The following NAP1L4 variants were observed in gnomAD, a reference collection of about 807,000 sequenced individuals.
NAP1L4 encodes nucleosome assembly protein 1-like 4.
Under a neutral mutation model 58.2 loss-of-function variants are expected in NAP1L4, and 15 were observed. The ratio of observed to expected loss-of-function variants is 0.26; its 90% confidence interval spans 0.17 to 0.40. The LOEUF is 0.40. NAP1L4 is among the 10% of genes least tolerant of loss of function. NAP1L4 has a pLI of 1.00. For missense variants in NAP1L4, 384 were observed against 451.1 expected (o/e 0.85, Z 1.35); for synonymous variants, 171 against 155.6 (o/e 1.10, Z -0.74).
At position 2,948,904 on chromosome 11, in the gene NAP1L4, G is replaced by A. The variant is rs1846078233; in HGVS notation, c.*32+323C>T. Among the ~76,000 whole-genome samples, 1 of 152,186 alleles carries A rather than the reference G, an allele frequency of 6.6e-6. No homozygotes were observed. Among genetic ancestry groups the A allele is most frequent in the Non-Finnish European group, 1.5e-5 (1 of 68,034 alleles). On this transcript the variant is annotated intron_variant, in intron 15 of 15. Coordinates refer to ENST00000380542, the MANE Select transcript of NAP1L4 (RefSeq NM_005969.4). This position sits in a 1 kb window ranked among gnomAD's most constrained non-coding sequence, Gnocchi z 5.1. The stretch of plus-strand genomic sequence containing the variant: ...TCTCTGCAAGGACTGCTTGCTTATG[G>A]TGGCCCGTGTGTGCCACCGTGCAGA...
At chr11:2,965,994 G>T (rs1185873782) in intron 7 of NAP1L4, among the ~76,000 whole-genome samples, 2 of 152,186 alleles carry the variant, frequency 1.3e-5, no homozygotes, top group Non-Finnish European at 2.9e-5. Flanking sequence ...ATACCTGTCA[G>T]CTTAGAAAGT....
intron 4 of NAP1L4, among the ~76,000 whole-genome samples, chr11:2,973,054 G>T (rs961648191): frequency 6.6e-6 from 1 of 152,134 alleles, no homozygotes; most frequent in Non-Finnish European, 1.5e-5. Flanking sequence ...TGAAAAACTG[G>T]ACAATGCAAG....
At position 2,946,866 on chromosome 11, in the gene NAP1L4, A is replaced by T. The variant is rs1308385162; in HGVS notation, c.*33-1220T>A. 6.6e-6 allele frequency among the ~76,000 whole-genome samples: 1 copy of T among 152,192 alleles called. No homozygotes were observed. The highest frequency in any genetic ancestry group is 1.5e-5 in the Non-Finnish European group (1 of 68,032). On this transcript the variant is annotated intron_variant, in intron 15 of 15. Transcript: ENST00000380542. The surrounding 1 kb of genome is among the most constrained non-coding windows in gnomAD (Gnocchi z 4.8). ...AGGTGGCCCAGTGTAGTGGCCAAGA[A>T]CACTGAGCCACTGGCCTTAGGAGTG...
chr11:2,974,821 T>G (rs1389753286), intron 4 of NAP1L4, among the ~76,000 whole-genome samples: 1 of 152,114 alleles, frequency 6.6e-6, no homozygotes, highest in Non-Finnish European at 1.5e-5. Context: ...GTAACAAACC[T>G]GAACACTCAG....
chr11:2,987,894 T>C (rs1848739486), intron 1 of NAP1L4, among the ~76,000 whole-genome samples: 1 of 152,174 alleles, frequency 6.6e-6, no homozygotes, highest in African/African-American at 2.4e-5. Flanking sequence ...ATGAGACTGG[T>C]TGCCAAGAAA....
rs1353193649 is a variant in NAP1L4 at position 2,978,307 on chromosome 11, G to T, written c.50C>A (p.Ala17Asp). The T allele has an allele frequency of 6.2e-7, 1 of 1,613,898 alleles. No homozygotes were observed. Among genetic ancestry groups the T allele is most frequent in the African/African-American group, 1.3e-5 (1 of 74,910 alleles). Residue 17 changes from alanine to aspartate, a missense_variant, in exon 3 of 16, where the codon GCT becomes GAT. Physicochemically the swap from Ala to Asp is moderately radical, Grantham distance 126. Transcript: ENST00000380542. ...ACCTGTGTTACTTGCATTTTTAGCA[G>T]CTTCCACGGAATCTGAAGGAACCCC... ...SDGVPSDSVEAAKNASNTEKL... is the reference protein window; with the variant it reads ...SDGVPSDSVEDAKNASNTEKL...
rs149033962 is a variant in NAP1L4 at position 2,961,975 on chromosome 11, A to C, written c.607-2066T>G. Reference sequence around the variant, plus strand: ...TGCCCAAATGAAAAGTGGCTTGAAAATAAGACTGCTTCATTCACACACGCA... The same window carrying C: ...TGCCCAAATGAAAAGTGGCTTGAAACTAAGACTGCTTCATTCACACACGCA... On this transcript the variant is annotated intron_variant, in intron 8 of 15. Transcript: ENST00000380542. Among the ~76,000 whole-genome samples, 124 of 152,360 alleles carry C rather than the reference A, an allele frequency of 8.1e-4. 1 individual carries two copies. Among genetic ancestry groups the C allele is most frequent in the African/African-American group, 2.7e-3 (113 of 41,586 alleles).
Position 2,945,490 on chromosome 11 carries a change from G to GA in NAP1L4, c.*188dup. On this transcript the variant is annotated 3_prime_UTR_variant, in exon 16 of 16. Coordinates refer to ENST00000380542, the MANE Select transcript of NAP1L4 (RefSeq NM_005969.4). The stretch of plus-strand genomic sequence containing the variant: ...AAGTGAAAGTGAAAATCATGCACTT[G>GA]AAAACGAGTTAGATGGAGTAAGCTC... The GA allele has an allele frequency of 1.2e-6, 1 of 862,618 alleles. No individual in the cohort carries two copies. Among genetic ancestry groups the GA allele is most frequent in the East Asian group, 2.9e-5 (1 of 34,986 alleles). The allele number at this position is 862,618 out of a possible 1,614,324, so 53.4% of individuals were successfully genotyped here.
chr11:2,964,861 G>A, intron 7 of NAP1L4, 110 bp from the exon 8 acceptor site: 2 of 762,154 alleles, frequency 2.6e-6, no homozygotes, highest in African/African-American at 1.7e-5. Flanking sequence ...TAGCCCTATT[G>A]GAATTCTGTC....
chr11:2,978,310 T>G lies in NAP1L4; in HGVS notation c.47A>C (p.Glu16Ala), dbSNP rs768856141. 1.2e-6 allele frequency: 2 copies of G among 1,614,064 alleles called. No homozygotes were observed. The highest frequency in any genetic ancestry group is 2.2e-5 in the South Asian group (2 of 91,072). The change falls in exon 3 of 16, where the codon GAA (glutamate) becomes GCA (alanine). Residue 16 changes from glutamate to alanine, a missense_variant. Around this residue, in one of 3 missense-constraint regions of NAP1L4, gnomAD observed 84 missense variants for 73.7 expected, o/e 1.14. Coordinates refer to ENST00000380542, the MANE Select transcript of NAP1L4 (RefSeq NM_005969.4). The part of the protein sequence containing the change: ...FSDGVPSDSV[E>A]AAKNASNTEK... ...TGTGTTACTTGCATTTTTAGCAGCT[T>G]CCACGGAATCTGAAGGAACCCCATC... is the stretch of plus-strand genomic sequence containing the variant.
intron 1 of NAP1L4, among the ~76,000 whole-genome samples, chr11:2,991,588 C>CTCGGGG (rs1308914065): frequency 2.0e-5 from 3 of 152,102 alleles, no homozygotes; most frequent in Non-Finnish European, 4.4e-5. Flanking sequence ...GCACGCCGCC[C>CTCGGGG]AGCTCGCTCC....
chr11:2,960,995 C>T (rs974665554), intron 8 of NAP1L4, among the ~76,000 whole-genome samples: 1 of 152,168 alleles, frequency 6.6e-6, no homozygotes, highest in Non-Finnish European at 1.5e-5. Context: ...CATCTCTACA[C>T]TGGAAATAAC....
Position 2,987,773 on chromosome 11 carries a change from A to T in NAP1L4, c.-18+4481T>A, listed in dbSNP as rs903159556. Among the ~76,000 whole-genome samples the T allele has an allele frequency of 2.0e-5, 3 of 151,622 alleles. No individual in the cohort carries two copies. In the East Asian group the frequency reaches 5.8e-4, roughly 30 times the overall value. ...CTCCACCTCAAAAAAAAAAAAAAAA[A>T]AAAAGCAATGAATAATACATGTTTG... On this transcript the variant is annotated intron_variant, in intron 1 of 15. Transcript: ENST00000380542.
intron 1 of NAP1L4, chr11:2,989,788 ATACTG>A (rs1848847371): frequency 6.6e-6 from 1 of 152,254 alleles, no homozygotes; most frequent in African/African-American, 2.4e-5. Flanking sequence ...ATTCAAATTC[ATACTG>A]TAAAGTGGTG....
chr11:2,975,982 G>C, intron 4 of NAP1L4, 42 bp downstream of exon 4: 1 of 1,526,560 alleles, frequency 6.6e-7, no homozygotes, highest in Non-Finnish European at 8.9e-7. Flanking sequence ...TTTTCCTTTT[G>C]TTTCTCCAAA....
At chr11:2,969,739 G>T in intron 7 of NAP1L4, 64 bp downstream of exon 7, 3 of 1,534,712 alleles carry the variant, frequency 2.0e-6, no homozygotes, top group East Asian at 4.6e-5. Context: ...CTTAAAAAAT[G>T]CCATAGATAA....
intron 1 of NAP1L4, chr11:2,991,958 G>A (rs1415936089): frequency 6.6e-6 from 1 of 152,084 alleles, no homozygotes; most frequent in Non-Finnish European, 1.5e-5. Context: ...CCGCGGCGCA[G>A]AACAAAGCGC....
chr11:2,954,761 A>G lies in NAP1L4; in HGVS notation c.916-115T>C. On this transcript the variant is annotated intron_variant, in intron 11 of 15. Coordinates refer to ENST00000380542, the MANE Select transcript of NAP1L4 (RefSeq NM_005969.4). This position sits in a 1 kb window ranked among gnomAD's most constrained non-coding sequence, Gnocchi z 4.8. ...TTGATTTACTTAACTTAAAACACCA[A>G]ACTCCTGCACTGCTGGGGGACAGCC... The G allele has an allele frequency of 7.5e-7, 1 of 1,337,244 alleles. No homozygotes were observed. Among genetic ancestry groups the G allele is most frequent in the Non-Finnish European group, 1.1e-6 (1 of 943,386 alleles). The allele number at this position is 1,337,244 out of a possible 1,614,324, so 82.8% of individuals were successfully genotyped here. A position where few individuals can be genotyped will look rare whatever the true frequency, so the allele number is the denominator to read the frequency against.
intron 14 of NAP1L4, among the ~76,000 whole-genome samples, chr11:2,950,716 G>T (rs912138629): frequency 6.6e-6 from 1 of 152,040 alleles, no homozygotes; most frequent in African/African-American, 2.4e-5. Flanking sequence ...AAATTAATGG[G>T]GTTGCCCACT....
Sources: allele counts gnomAD v4.1 joint callset (sites outside exome capture counted in the v4.1 genomes callset), GRCh38; gene constraint gnomAD v4.1.1; regional missense constraint gnomAD v4.1.1; non-coding constraint Gnocchi (gnomAD v3.1); transcripts MANE v1.5; gene names NCBI Gene and HGNC (gene_info 2026-07-23, HGNC 2026-07-21).